The following STK3 variants were observed in gnomAD, a reference collection of about 807,000 sequenced individuals.
STK3 encodes the protein serine/threonine-protein kinase 3.
STK3 carries 41 observed loss-of-function variants against 58.0 expected under a neutral mutation model. That is an observed-to-expected ratio of 0.71 (90% confidence interval 0.55 to 0.92). The LOEUF (loss-of-function observed/expected upper bound fraction) is 0.92. STK3 is among the 40% of genes least tolerant of loss of function. The probability of loss-of-function intolerance (pLI) is 0.00; values close to 1 mark genes in which losing one functional copy is unlikely to be tolerated. For synonymous variants in STK3, 170 were observed against 191.0 expected, an observed-to-expected ratio of 0.89 and a Z score of 0.91; for missense variants, 479 against 602.7, an observed-to-expected ratio of 0.79 and a Z score of 2.15.
intron 10 of STK3, among the ~76,000 whole-genome samples, chr8:98,480,083 C>G (rs755838162): frequency 6.7e-5 from 10 of 148,456 alleles, no homozygotes; most frequent in South Asian, 2.1e-4. Flanking sequence ...GTTTCAGGAC[C>G]CTCTGAAGTC....
At chr8:98,409,682 T>C (rs568856730) in intron 3 of STK3, among the ~76,000 whole-genome samples, 1 of 152,390 alleles carries the variant, frequency 6.6e-6, no homozygotes, top group East Asian at 1.9e-4. Context: ...TTGTAACTTA[T>C]GTGTCAAACC....
chr8:98,881,460 G>T (rs2922083), downstream of STK3: 142,440 of 152,296 alleles, frequency 0.94, 66,737 homozygotes, highest in East Asian at 1. Context: ...TATGTCATTA[G>T]ACATTTGTCC....
At chr8:98,435,698 T>C (rs1818461079) in intron 2 of STK3, among the ~76,000 whole-genome samples, 1 of 151,986 alleles carries the variant, frequency 6.6e-6, no homozygotes. Flanking sequence ...GGTGGCTGGA[T>C]GGATGGTGGT....
chr8:98,476,454 G>A (rs180733668), intron 10 of STK3, among the ~76,000 whole-genome samples: 2 of 152,236 alleles, frequency 1.3e-5, no homozygotes, highest in East Asian at 1.9e-4. Flanking sequence ...AGTCTTAGAC[G>A]GCTATGGGTA....
At position 98,710,857 on chromosome 8, in the gene STK3, AC is replaced by A. The variant is rs1442105972; in HGVS notation, c.352-3547del. Among the ~76,000 whole-genome samples the A allele has an allele frequency of 1.2e-4, 19 of 152,114 alleles. No homozygotes were observed. In the East Asian group the frequency reaches 3.5e-3, roughly 28 times the overall value. On this transcript the variant is annotated intron_variant, in intron 4 of 10. Transcript: ENST00000419617. ...GACTGCCTCCTCAAGTGGGTCACTGACCCCCAAGTAGCCTAACTGGGAGGCA... is the reference window on the plus strand; with the variant it reads ...GACTGCCTCCTCAAGTGGGTCACTGACCCCAAGTAGCCTAACTGGGAGGCA...
chr8:98,542,755 T>A (rs926913922), intron 9 of STK3, among the ~76,000 whole-genome samples: 7 of 152,208 alleles, frequency 4.6e-5, no homozygotes, highest in African/African-American at 1.7e-4. Context: ...TCAACTATAT[T>A]TAAAACACTG....
chr8:98,709,925 CATTTTTTTTTTAAAG>C (rs1826263200), intron 4 of STK3, among the ~76,000 whole-genome samples: 1 of 126,376 alleles, frequency 7.9e-6, no homozygotes. Context: ...CAGTTTTTGC[CATTTTTTTTTTAAAG>C]TAATGGCAAA....
chr8:98,373,887 A>G (rs1817642414), intron 2 of STK3, among the ~76,000 whole-genome samples: 1 of 152,212 alleles, frequency 6.6e-6, no homozygotes, highest in Non-Finnish European at 1.5e-5. Context: ...TTAATCTCAG[A>G]TTTTGAATAT....
rs570230118 is a variant in STK3 at position 98,742,439 on chromosome 8, A to G, written c.351+6837T>C. Among the ~76,000 whole-genome samples, 10 of 123,552 alleles carry G rather than the reference A, an allele frequency of 8.1e-5. 3 individuals are homozygous for G. Among genetic ancestry groups the G allele is most frequent in the Admixed American group, 2.8e-4 (3 of 10,868 alleles). 81.1% of individuals were successfully genotyped at this position (123,552 alleles called of 152,430 possible). A position where few individuals can be genotyped will look rare whatever the true frequency, so the allele number is the denominator to read the frequency against. The stretch of plus-strand genomic sequence containing the variant: ...AGGCTGGTTCAACATACGCAAATCA[A>G]TAAACGTAATCCATCACGTAAACAG... On this transcript the variant is annotated intron_variant, in intron 4 of 10. Transcript: ENST00000419617.
chr8:98,517,466 T>C (rs1028202804), intron 10 of STK3, among the ~76,000 whole-genome samples: 5 of 152,096 alleles, frequency 3.3e-5, no homozygotes, highest in East Asian at 1.9e-4. Context: ...ACAAATATGA[T>C]AGGCCCCCAA....
chr8:98,459,246 G>A (rs865851745), intron 10 of STK3, among the ~76,000 whole-genome samples: 1 of 152,226 alleles, frequency 6.6e-6, no homozygotes, highest in Non-Finnish European at 1.5e-5. Context: ...GTGGCATTTT[G>A]CCCCTGCCCT....
intron 1 of STK3, among the ~76,000 whole-genome samples, chr8:98,922,192 CCTT>C (rs1257752563): frequency 1.3e-5 from 2 of 152,214 alleles, no homozygotes; most frequent in African/African-American, 4.8e-5. Context: ...GCCCTTTCTT[CCTT>C]CTTCTTGCTG....
intron 6 of STK3, among the ~76,000 whole-genome samples, chr8:98,637,040 T>C (rs1455733827): frequency 6.6e-6 from 1 of 151,276 alleles, no homozygotes; most frequent in African/African-American, 2.4e-5. Flanking sequence ...TGACTTAATA[T>C]ACATCATTTG....
intron 8 of STK3, among the ~76,000 whole-genome samples, chr8:98,577,727 T>C (rs1372941610): frequency 6.6e-6 from 1 of 152,042 alleles, no homozygotes; most frequent in East Asian, 1.9e-4. Context: ...ACCCTGAGAA[T>C]GAATCACGTA....
chr8:98,531,132 T>C (rs553497139), intron 9 of STK3, among the ~76,000 whole-genome samples: 1 of 152,336 alleles, frequency 6.6e-6, no homozygotes, highest in Non-Finnish European at 1.5e-5. Flanking sequence ...ATGTTCTTAA[T>C]AACATGAAGA....
chr8:98,497,805 G>A (rs985783050), intron 10 of STK3, among the ~76,000 whole-genome samples: 1 of 152,138 alleles, frequency 6.6e-6, no homozygotes, highest in Non-Finnish European at 1.5e-5. Flanking sequence ...CAAGTGTTGC[G>A]AGGATGTAGA....
At chr8:98,647,357 T>C (rs930601633) in intron 6 of STK3, among the ~76,000 whole-genome samples, 6 of 152,208 alleles carry the variant, frequency 3.9e-5, no homozygotes, top group South Asian at 2.1e-4. Flanking sequence ...AAAACACTTA[T>C]GGCTTTCTCA....
At chr8:98,880,696 A>G (rs1338186543), downstream of STK3, 1 of 152,378 alleles carries the variant, frequency 6.6e-6, no homozygotes, top group African/African-American at 2.4e-5. Flanking sequence ...CAAAAAAGAT[A>G]TACAGACGGA....
intron 3 of STK3, among the ~76,000 whole-genome samples, chr8:98,411,038 A>G (rs1818050460): frequency 1.3e-5 from 2 of 152,196 alleles, no homozygotes; most frequent in Non-Finnish European, 2.9e-5. Context: ...TGGTTTCAAC[A>G]CTTAGATGAG....
Sources: allele counts gnomAD v4.1 joint callset (sites outside exome capture counted in the v4.1 genomes callset), GRCh38; gene constraint gnomAD v4.1.1; transcripts MANE v1.5; gene names NCBI Gene and HGNC (gene_info 2026-07-23, HGNC 2026-07-21).